The following EPHA6 variants were observed in gnomAD, a reference collection of about 807,000 sequenced individuals.
EPHA6 encodes the protein ephrin type-A receptor 6.
EPHA6 carries 50 observed loss-of-function variants against 112.0 expected under a neutral mutation model. The observed-to-expected ratio is 0.45, with a 90% confidence interval of 0.36 to 0.56. EPHA6 has a LOEUF of 0.56. EPHA6 is among the 20% of genes least tolerant of loss of function. EPHA6 has a pLI of 0.00. For missense variants in EPHA6, 1,280 were observed against 1,417.4 expected (o/e 0.90, Z 1.56); for synonymous variants, 529 against 490.7 (o/e 1.08, Z -1.03).
At chr3:97,288,700 TA>T (rs2080564957) in intron 5 of EPHA6, among the ~76,000 whole-genome samples, 1 of 152,180 alleles carries the variant, frequency 6.6e-6, no homozygotes. Flanking sequence ...CAAGAGTGTA[TA>T]AGCATTTCCT....
At chr3:97,447,478 G>A (rs2090385672) in intron 6 of EPHA6, among the ~76,000 whole-genome samples, 1 of 152,090 alleles carries the variant, frequency 6.6e-6, no homozygotes, top group South Asian at 2.1e-4. Flanking sequence ...TAACTTGAGG[G>A]CCTGTTGACC....
chr3:97,669,232 T>A (rs1182873049), intron 14 of EPHA6, among the ~76,000 whole-genome samples: 1 of 151,964 alleles, frequency 6.6e-6, no homozygotes, highest in African/African-American at 2.4e-5. Flanking sequence ...ATTATTCTAT[T>A]GTTGACCTCC....
chr3:97,082,507 C>T (rs2046754885), intron 3 of EPHA6, among the ~76,000 whole-genome samples: 1 of 151,630 alleles, frequency 6.6e-6, no homozygotes, highest in Admixed American at 6.6e-5. Context: ...CTCAATTTTC[C>T]CCCTGCTTTT....
At chr3:96,851,754 C>A (rs765470151) in intron 1 of EPHA6, among the ~76,000 whole-genome samples, 9 of 151,908 alleles carry the variant, frequency 5.9e-5, no homozygotes, top group African/African-American at 9.7e-5. Context: ...ATGGAAAGGC[C>A]CAAAGAATTT....
intron 2 of EPHA6, among the ~76,000 whole-genome samples, chr3:96,936,573 GT>G (rs1045066166): frequency 3.4e-4 from 51 of 149,112 alleles, no homozygotes; most frequent in South Asian, 1.7e-3. Context: ...TTGCTCTTGG[GT>G]TTTTTTTTGT....
chr3:97,162,025 A>C (rs1559765849), intron 3 of EPHA6, among the ~76,000 whole-genome samples: 1 of 152,210 alleles, frequency 6.6e-6, no homozygotes, highest in Non-Finnish European at 1.5e-5. Flanking sequence ...TGACAAATCA[A>C]TAGCTGCATA....
intron 4 of EPHA6, among the ~76,000 whole-genome samples, chr3:97,228,570 T>C (rs895816401): frequency 2.0e-5 from 3 of 147,774 alleles, no homozygotes; most frequent in Non-Finnish European, 4.6e-5. Context: ...GTAAATGTCA[T>C]ATAAATGTTA....
At chr3:97,616,862 A>G (rs924746948) in intron 13 of EPHA6, among the ~76,000 whole-genome samples, 21 of 152,252 alleles carry the variant, frequency 1.4e-4, no homozygotes, top group Non-Finnish European at 2.6e-4. Context: ...CATATTTCAG[A>G]ATATCATCCA....
intron 3 of EPHA6, among the ~76,000 whole-genome samples, chr3:97,167,064 A>G (rs1426361643): frequency 6.6e-6 from 1 of 152,178 alleles, no homozygotes; most frequent in African/African-American, 2.4e-5. Flanking sequence ...CACCATTCAT[A>G]TTCAATAAGA....
At chr3:97,503,859 T>C (rs1430140063) in intron 10 of EPHA6, among the ~76,000 whole-genome samples, 2 of 152,176 alleles carry the variant, frequency 1.3e-5, no homozygotes, top group Non-Finnish European at 2.9e-5. Context: ...AAATTTTACT[T>C]CTTTAGTTAT....
chr3:97,709,468 T>C (rs1015384756), intron 14 of EPHA6, among the ~76,000 whole-genome samples: 2 of 152,218 alleles, frequency 1.3e-5, no homozygotes, highest in Admixed American at 6.5e-5. Flanking sequence ...GTAACTAGCT[T>C]GTTTTTGATT....
chr3:97,531,866 GT>G (rs1447276571), intron 10 of EPHA6, among the ~76,000 whole-genome samples: 3 of 152,012 alleles, frequency 2.0e-5, no homozygotes, highest in African/African-American at 7.2e-5. Flanking sequence ...TTCAGTGTGG[GT>G]TTTTTCAATA....
intron 11 of EPHA6, among the ~76,000 whole-genome samples, chr3:97,537,367 C>T (rs921085776): frequency 2.0e-5 from 3 of 152,012 alleles, no homozygotes; most frequent in Admixed American, 6.6e-5. Flanking sequence ...AGGTATTAGG[C>T]CCTATTGCTG....
chr3:97,615,182 A>G (rs1374073419), intron 13 of EPHA6, among the ~76,000 whole-genome samples: 1 of 152,112 alleles, frequency 6.6e-6, no homozygotes, highest in Non-Finnish European at 1.5e-5. Flanking sequence ...CCTGGGAAGC[A>G]GTTAGTGAAT....
intron 13 of EPHA6, among the ~76,000 whole-genome samples, chr3:97,628,784 A>T (rs1368426231): frequency 6.6e-6 from 1 of 152,010 alleles, no homozygotes; most frequent in Non-Finnish European, 1.5e-5. Context: ...TAATAATGAG[A>T]GCTGTATTTT....
intron 2 of EPHA6, among the ~76,000 whole-genome samples, chr3:96,970,238 T>TACACAC (rs370673260): frequency 0.013 from 1,832 of 143,982 alleles, 34 homozygotes; most frequent in African/African-American, 0.044. Context: ...TGCCTCTTCA[T>TACACAC]ACACACACAC....
intron 10 of EPHA6, among the ~76,000 whole-genome samples, chr3:97,501,464 C>T (rs1174208540): frequency 6.6e-6 from 1 of 151,800 alleles, no homozygotes; most frequent in African/African-American, 2.4e-5. Flanking sequence ...TTATAGAATA[C>T]ATTTCTAAAC....
At chr3:97,055,783 T>C (rs1042584298) in intron 3 of EPHA6, among the ~76,000 whole-genome samples, 9 of 152,138 alleles carry the variant, frequency 5.9e-5, no homozygotes, top group Non-Finnish European at 1.3e-4. Context: ...ATTTCTTTAT[T>C]TTTAAGTAAA....
At chr3:97,345,351 G>A (rs1386367464) in intron 5 of EPHA6, among the ~76,000 whole-genome samples, 1 of 152,148 alleles carries the variant, frequency 6.6e-6, no homozygotes, top group Non-Finnish European at 1.5e-5. Flanking sequence ...TGCAAGGAAA[G>A]CAGCAAGAGG....
Sources: allele counts gnomAD v4.1 joint callset (sites outside exome capture counted in the v4.1 genomes callset), GRCh38; gene constraint gnomAD v4.1.1; transcripts MANE v1.5; gene names NCBI Gene and HGNC (gene_info 2026-07-23, HGNC 2026-07-21).